The following AKAP19 variants were observed in gnomAD, a reference collection of about 807,000 sequenced individuals.
The protein encoded by AKAP19 is small A-kinase anchoring protein.
the AKAP19 span, among the ~76,000 whole-genome samples, chr2:190,144,391 A>T: frequency 6.6e-6 from 1 of 152,208 alleles, no homozygotes; most frequent in Admixed American, 6.5e-5. Context: ...GTTTATTCAG[A>T]TATCTTTGCT....
At chr2:190,184,664 C>T in the AKAP19 span, among the ~76,000 whole-genome samples, 1 of 152,022 alleles carries the variant, frequency 6.6e-6, no homozygotes, top group Non-Finnish European at 1.5e-5. Context: ...ATACGGCTTC[C>T]CCTATCCTCA....
At chr2:190,163,752 A>G in the AKAP19 span, among the ~76,000 whole-genome samples, 1 of 152,194 alleles carries the variant, frequency 6.6e-6, no homozygotes, top group African/African-American at 2.4e-5. Flanking sequence ...TAAATCAATG[A>G]CTTAGTATAA....
chr2:190,191,428 C>T, the AKAP19 span, among the ~76,000 whole-genome samples: 8 of 152,142 alleles, frequency 5.3e-5, no homozygotes, highest in South Asian at 4.1e-4. Context: ...TACAGGCATG[C>T]GCCACCGTCC....
chr2:190,037,919 T>A, the AKAP19 span, among the ~76,000 whole-genome samples: 5 of 152,228 alleles, frequency 3.3e-5, no homozygotes, highest in African/African-American at 4.8e-5. Flanking sequence ...AGGGTTTTTT[T>A]AAATGAAAAC....
the AKAP19 span, among the ~76,000 whole-genome samples, chr2:190,023,795 G>GTATATA: frequency 5.6e-4 from 80 of 142,826 alleles, 1 homozygote; most frequent in East Asian, 0.01. Context: ...ATGTGTGTGT[G>GTATATA]TATATATATA....
chr2:190,091,875 C>A, the AKAP19 span, among the ~76,000 whole-genome samples: 1 of 151,710 alleles, frequency 6.6e-6, no homozygotes. Flanking sequence ...AAACACAAAG[C>A]CAAAACTAAA....
the AKAP19 span, chr2:190,200,095 T>C: frequency 4.3e-6 from 7 of 1,613,970 alleles, no homozygotes; most frequent in African/African-American, 6.7e-5. Context: ...GCAATGGGCA[T>C]GCAATAACAT....
chr2:190,010,018 T>G, the AKAP19 span, among the ~76,000 whole-genome samples: 1 of 152,180 alleles, frequency 6.6e-6, no homozygotes, highest in Non-Finnish European at 1.5e-5. Flanking sequence ...GTGCAGGAAG[T>G]AAAGGCCAAA....
At chr2:190,058,931 A>G in the AKAP19 span, among the ~76,000 whole-genome samples, 1 of 151,916 alleles carries the variant, frequency 6.6e-6, no homozygotes, top group Non-Finnish European at 1.5e-5. Context: ...TCACCACTGT[A>G]CAATTCATCT....
chr2:190,010,406 G>T, the AKAP19 span, among the ~76,000 whole-genome samples: 2 of 152,166 alleles, frequency 1.3e-5, no homozygotes, highest in Non-Finnish European at 2.9e-5. Flanking sequence ...TGGGATAATA[G>T]TCATCAATGG....
the AKAP19 span, among the ~76,000 whole-genome samples, chr2:190,000,047 C>A: frequency 3.9e-5 from 6 of 152,200 alleles, no homozygotes; most frequent in Admixed American, 3.9e-4. Flanking sequence ...TCTAGCAGTA[C>A]AGGAACTAAG....
chr2:190,044,212 C>T, the AKAP19 span, among the ~76,000 whole-genome samples: 1 of 152,100 alleles, frequency 6.6e-6, no homozygotes, highest in Admixed American at 6.6e-5. Flanking sequence ...TGTTCCTTCC[C>T]CAGCTTGGAG....
At chr2:190,174,102 G>A in the AKAP19 span, among the ~76,000 whole-genome samples, 738 of 152,294 alleles carry the variant, frequency 4.8e-3, 5 homozygotes, top group Non-Finnish European at 8.2e-3. Context: ...AATTAGCTTA[G>A]ACTGTGTGGT....
At chr2:189,895,971 T>C in the AKAP19 span, among the ~76,000 whole-genome samples, 2 of 144,916 alleles carry the variant, frequency 1.4e-5, no homozygotes, top group South Asian at 4.4e-4. Flanking sequence ...ATCGTGCCAC[T>C]GCACACCAGC....
At chr2:189,989,197 G>A in the AKAP19 span, among the ~76,000 whole-genome samples, 1 of 152,024 alleles carries the variant, frequency 6.6e-6, no homozygotes, top group Admixed American at 6.6e-5. Flanking sequence ...GCATGCATGA[G>A]AACATCTCAA....
the AKAP19 span, among the ~76,000 whole-genome samples, chr2:190,051,341 A>C: frequency 0.02 from 2,983 of 152,266 alleles, 106 homozygotes; most frequent in African/African-American, 0.068. Context: ...CAGGTAATGT[A>C]CTAGGTAAGG....
the AKAP19 span, among the ~76,000 whole-genome samples, chr2:190,052,495 T>C: frequency 6.6e-6 from 1 of 152,190 alleles, no homozygotes; most frequent in African/African-American, 2.4e-5. Flanking sequence ...TGTTTTGTTT[T>C]GGGCTGGTTG....
the AKAP19 span, among the ~76,000 whole-genome samples, chr2:190,014,478 C>T: frequency 6.6e-6 from 1 of 152,298 alleles, no homozygotes; most frequent in South Asian, 2.1e-4. Flanking sequence ...TCACCTCCCA[C>T]CATGTCCCTC....
chr2:189,996,495 C>A, the AKAP19 span, among the ~76,000 whole-genome samples: 6 of 152,048 alleles, frequency 3.9e-5, no homozygotes, highest in African/African-American at 1.2e-4. Context: ...CATTCATATC[C>A]TGTATTGTTT....
Sources: gnomAD v4.1 joint callset for allele counts (sites outside exome capture counted in the v4.1 genomes callset) on GRCh38, gnomAD v4.1.1 for gene constraint, MANE v1.5 for transcripts, NCBI Gene and HGNC (gene_info 2026-07-23, HGNC 2026-07-21) for gene names.